TBL1XR1: variants seen among roughly 807,000 people sequenced by gnomAD.
The protein encoded by TBL1XR1 is F-box-like/WD repeat-containing protein TBL1XR1.
A neutral mutation model predicts 66.9 loss-of-function variants in TBL1XR1; 5 were observed. That is an observed-to-expected ratio of 0.07 (90% CI 0.04 to 0.16). The LOEUF (loss-of-function observed/expected upper bound fraction) is 0.16. TBL1XR1 is among the 10% of genes least tolerant of loss of function. TBL1XR1 has a pLI of 1.00. For synonymous variants in TBL1XR1, 210 were observed against 206.0 expected, an observed-to-expected ratio of 1.02 and a Z score of -0.17; for missense variants, 238 against 623.2, an observed-to-expected ratio of 0.38 and a Z score of 6.58.
rs1374929253 is a variant in TBL1XR1 at position 177,069,764 on chromosome 3, GAAAGGAAGGAAAGGAAGGA to G, written c.-45-4761_-45-4743del. Among the ~76,000 whole-genome samples the G allele has an allele frequency of 4.7e-3, 529 of 113,480 alleles. 14 individuals are homozygous for G. Among genetic ancestry groups the G allele is most frequent in the Admixed American group, 8.7e-3 (93 of 10,674 alleles). The allele number at this position is 113,480 out of a possible 152,430, so 74.4% of individuals were successfully genotyped here. A position where few individuals can be genotyped will look rare whatever the true frequency, so the allele number is the denominator to read the frequency against. On this transcript the variant is annotated intron_variant, in intron 2 of 15. Transcript: ENST00000457928. ...AAGAAAAGAAAGAAAGGAAAGGAAAGAAAGGAAGGAAAGGAAGGAAAAGGAAGGAAAGGAAGGAAGGAAG... is the reference window on the plus strand; with the variant it reads ...AAGAAAAGAAAGAAAGGAAAGGAAAGAAAGGAAGGAAAGGAAGGAAGGAAG...
intron 1 of TBL1XR1, among the ~76,000 whole-genome samples, chr3:177,135,664 G>A (rs1255650953): frequency 5.3e-5 from 8 of 151,858 alleles, no homozygotes; most frequent in Non-Finnish European, 2.9e-5. Flanking sequence ...TTACAGGCGT[G>A]AGCCACCGCA....
intron 1 of TBL1XR1, among the ~76,000 whole-genome samples, chr3:177,182,839 A>G (rs1397203594): frequency 6.6e-6 from 1 of 152,190 alleles, no homozygotes; most frequent in Non-Finnish European, 1.5e-5. Context: ...AATTTTTTTA[A>G]AACAATATAA....
chr3:177,197,739 C>A (rs1043046415), upstream of TBL1XR1, among the ~76,000 whole-genome samples: 1 of 146,496 alleles, frequency 6.8e-6, no homozygotes, highest in East Asian at 2.0e-4. Context: ...GCGCTCCTCT[C>A]CTTCCCGGCC....
chr3:177,116,594 C>A lies in TBL1XR1; in HGVS notation c.-121-18053G>T, dbSNP rs578134539. Among the ~76,000 whole-genome samples, 36 of 152,242 alleles carry A rather than the reference C, an allele frequency of 2.4e-4. No individual in the cohort carries two copies. The Middle Eastern group carries it at 0.01, about 43-fold the overall frequency. On this transcript the variant is annotated intron_variant, in intron 1 of 15. Coordinates refer to ENST00000457928, the MANE Select transcript of TBL1XR1 (RefSeq NM_024665.7). ...GTATCTTGAAAGATGCCTTATCCAG[C>A]TTTGTAACTTGAATGCCGAGAACAT...
In TBL1XR1 at chr3:177,089,784, T is replaced by C. The variant is rs1306183027; in HGVS notation, c.-46+8682A>G. 3.3e-5 allele frequency among the ~76,000 whole-genome samples: 5 copies of C among 152,174 alleles called. No individual in the cohort carries two copies. In the South Asian group the frequency reaches 1.0e-3, roughly 32 times the overall value. ...GATCGACACAGTTGGTAGACTTTTCTGGAAAATAAGAATCTATCTGTGGAA... is the reference window on the plus strand; with the variant it reads ...GATCGACACAGTTGGTAGACTTTTCCGGAAAATAAGAATCTATCTGTGGAA... On this transcript the variant is annotated intron_variant, in intron 2 of 15. Transcript: ENST00000457928.
chr3:177,108,413 C>G (rs1393488331), intron 1 of TBL1XR1, among the ~76,000 whole-genome samples: 1 of 152,242 alleles, frequency 6.6e-6, no homozygotes, highest in South Asian at 2.1e-4. Flanking sequence ...GCTTTCTGTT[C>G]TGTTTAAAAA....
intron 2 of TBL1XR1, among the ~76,000 whole-genome samples, chr3:177,096,895 A>C (rs1723564874): frequency 6.6e-6 from 1 of 152,134 alleles, no homozygotes; most frequent in Non-Finnish European, 1.5e-5. Flanking sequence ...ATTTTCTTCA[A>C]CATCTCCTAT....
intron 13 of TBL1XR1, among the ~76,000 whole-genome samples, chr3:177,033,737 T>C (rs1553808594): frequency 1.3e-5 from 2 of 152,190 alleles, no homozygotes. Flanking sequence ...CACCATGGAA[T>C]ACTACTTAGC....
At chr3:177,046,780 T>C (rs537306387) in intron 9 of TBL1XR1, among the ~76,000 whole-genome samples, 1 of 152,270 alleles carries the variant, frequency 6.6e-6, no homozygotes, top group Admixed American at 6.5e-5. Context: ...ACTTCCCTGT[T>C]TGACACCACA....
chr3:177,060,600 A>G (rs765842350), intron 3 of TBL1XR1, among the ~76,000 whole-genome samples: 7 of 152,242 alleles, frequency 4.6e-5, no homozygotes, highest in Non-Finnish European at 1.0e-4. Context: ...AGGTTGTCTT[A>G]TAAGAAAACC....
intron 1 of TBL1XR1, among the ~76,000 whole-genome samples, chr3:177,134,866 G>A (rs564308968): frequency 4.0e-5 from 6 of 151,870 alleles, no homozygotes; most frequent in South Asian, 4.2e-4. Flanking sequence ...ATAAACTAAC[G>A]GGTATACAGT....
intron 1 of TBL1XR1, chr3:177,110,921 A>G (rs1000371708): frequency 3.3e-5 from 5 of 152,244 alleles, no homozygotes; most frequent in African/African-American, 1.2e-4. Flanking sequence ...TGTGTTGTGT[A>G]TGATTTTCAC....
chr3:177,174,408 CAAAAAAAAA>C (rs59132617), intron 1 of TBL1XR1, among the ~76,000 whole-genome samples: 2 of 58,310 alleles, frequency 3.4e-5, no homozygotes, highest in Non-Finnish European at 6.1e-5. Flanking sequence ...GACTCCATCT[CAAAAAAAAA>C]AAAAAAAAAA....
chr3:177,139,224 A>T (rs1560218633), intron 1 of TBL1XR1, among the ~76,000 whole-genome samples: 1 of 152,250 alleles, frequency 6.6e-6, no homozygotes, highest in Non-Finnish European at 1.5e-5. Flanking sequence ...TGGCTATTAA[A>T]AATTAGTAAA....
rs371174260 is a variant in TBL1XR1 at position 177,142,494 on chromosome 3, T to C, written c.-121-43953A>G. On this transcript the variant is annotated intron_variant, in intron 1 of 15. Transcript: ENST00000457928. ...TAAACTAACATGACACTGGTGGGCATGTCTTTATGGAGAAGTGTTTTCATC... is the reference window on the plus strand; with the variant it reads ...TAAACTAACATGACACTGGTGGGCACGTCTTTATGGAGAAGTGTTTTCATC... Among the ~76,000 whole-genome samples, 9 of 152,318 alleles carry C rather than the reference T, an allele frequency of 5.9e-5. No homozygotes were observed. In the East Asian group the frequency reaches 1.5e-3, roughly 26 times the overall value.
chr3:177,114,505 T>C (rs1181823184), intron 1 of TBL1XR1, among the ~76,000 whole-genome samples: 1 of 151,860 alleles, frequency 6.6e-6, no homozygotes. Context: ...CTCACACTGT[T>C]GTCCAGGCTA....
intron 1 of TBL1XR1, among the ~76,000 whole-genome samples, chr3:177,182,399 A>G (rs1196772021): frequency 6.6e-6 from 1 of 151,928 alleles, no homozygotes; most frequent in African/African-American, 2.4e-5. Flanking sequence ...AAAGAAGAAA[A>G]CTCTGACAGC....
chr3:177,112,103 ATATATTTTTTT>A (rs1725700936), intron 1 of TBL1XR1, among the ~76,000 whole-genome samples: 1 of 46,930 alleles, frequency 2.1e-5, no homozygotes, highest in African/African-American at 1.2e-4. Context: ...ATATATATAT[ATATATTTTTTT>A]TTTTTTTTTT....
chr3:177,149,434 A>G (rs540376929), intron 1 of TBL1XR1, among the ~76,000 whole-genome samples: 2 of 152,348 alleles, frequency 1.3e-5, no homozygotes, highest in African/African-American at 4.8e-5. Context: ...ATAATGAAGA[A>G]TATATTTTAT....
Sources: gnomAD v4.1 joint callset for allele counts (sites outside exome capture counted in the v4.1 genomes callset) on GRCh38, gnomAD v4.1.1 for gene constraint, MANE v1.5 for transcripts, NCBI Gene and HGNC (gene_info 2026-07-23, HGNC 2026-07-21) for gene names.